The following EPHA4 variants were observed in gnomAD, a reference collection of about 807,000 sequenced individuals.
The protein encoded by EPHA4 is EPH receptor A4.
Under a neutral mutation model 108.3 loss-of-function variants are expected in EPHA4, and 19 were observed. The observed-to-expected ratio is 0.18, with a 90% CI of 0.12 to 0.26. The LOEUF (loss-of-function observed/expected upper bound fraction) is 0.26, where lower values mean the gene tolerates loss of function less well. Among genes scored for constraint, EPHA4 ranks in the 10% least tolerant of loss-of-function variants. The pLI is 1.00. For synonymous variants in EPHA4, 449 were observed against 455.5 expected, an observed-to-expected ratio of 0.99 and a Z score of 0.18; for missense variants, 917 against 1,254.0, an observed-to-expected ratio of 0.73 and a Z score of 4.06.
At chr2:221,451,679 C>T (rs1379858449) in intron 8 of EPHA4, among the ~76,000 whole-genome samples, 1 of 152,092 alleles carries the variant, frequency 6.6e-6, no homozygotes, top group Non-Finnish European at 1.5e-5. Flanking sequence ...GAAATTATAT[C>T]TTGAGTGATG....
chr2:221,446,169 G>A lies in EPHA4; in HGVS notation c.1728C>T (p.Tyr576=), dbSNP rs1690588276. 1.3e-6 allele frequency: 2 copies of A among 1,523,090 alleles called. No individual in the cohort carries two copies. Among genetic ancestry groups the A allele is most frequent in the South Asian group, 2.7e-5 (2 of 73,942 alleles). The allele number at this position is 1,523,090 out of a possible 1,614,324, so 94.3% of individuals were successfully genotyped here. ...CATCCGCTTCTTGTTTGGCTTTACT[G>A]TATTTACTCCGTCTATTAAAATTTT... ...AFVISRRRSK[Y]SKAKQEADEE... The change falls in exon 9 of 18, where the codon TAC becomes TAT. Residue 576 remains tyrosine, a synonymous_variant. Coordinates refer to ENST00000281821, the MANE Select transcript of EPHA4 (RefSeq NM_004438.5).
intron 2 of EPHA4, among the ~76,000 whole-genome samples, chr2:221,566,792 A>G (rs1211473865): frequency 6.7e-6 from 1 of 148,594 alleles, no homozygotes. Context: ...AAGAAGGAGA[A>G]GAAGAAGAGG....
intron 3 of EPHA4, among the ~76,000 whole-genome samples, chr2:221,517,570 C>T (rs1329617227): frequency 3.3e-5 from 5 of 151,898 alleles, no homozygotes; most frequent in Non-Finnish European, 5.9e-5. Flanking sequence ...GAGGGCGAGC[C>T]GGGAGTCGAG....
chr2:221,433,781 T>C (rs2278323), intron 14 of EPHA4, among the ~76,000 whole-genome samples: 55,782 of 152,120 alleles, frequency 0.37, 10,464 homozygotes, highest in African/African-American at 0.43. Context: ...CATGTCCGTT[T>C]TATCATATGT....
intron 3 of EPHA4, among the ~76,000 whole-genome samples, chr2:221,520,225 A>G (rs964530182): frequency 2.1e-4 from 32 of 152,150 alleles, no homozygotes; most frequent in Admixed American, 1.9e-3. Flanking sequence ...CTGCACTTCA[A>G]TCAAACCAGA....
chr2:221,564,541 T>A, intron 2 of EPHA4, 147 bp from the exon 3 acceptor site: 1 of 764,254 alleles, frequency 1.3e-6, no homozygotes, highest in East Asian at 2.6e-5. Flanking sequence ...TAATAAAGGA[T>A]CTTATGGGAG....
intron 3 of EPHA4, among the ~76,000 whole-genome samples, chr2:221,534,549 G>C (rs916049269): frequency 6.6e-6 from 1 of 152,170 alleles, no homozygotes; most frequent in South Asian, 2.1e-4. Context: ...CAGTGGCTGT[G>C]GTTGTGTGAA....
At chr2:221,550,418 GGAGA>G (rs71406572) in intron 3 of EPHA4, among the ~76,000 whole-genome samples, 2,480 of 135,608 alleles carry the variant, frequency 0.018, 43 homozygotes, top group African/African-American at 0.045. Context: ...TGAGGAAAGG[GGAGA>G]GAGAGAGAGA....
intron 3 of EPHA4, among the ~76,000 whole-genome samples, chr2:221,514,191 G>A (rs1692924794): frequency 6.6e-6 from 1 of 152,038 alleles, no homozygotes; most frequent in Non-Finnish European, 1.5e-5. Flanking sequence ...GAAATACACA[G>A]TGTGACAGTG....
intron 3 of EPHA4, among the ~76,000 whole-genome samples, chr2:221,541,601 A>G (rs1052324646): frequency 2.0e-5 from 3 of 152,212 alleles, no homozygotes; most frequent in Admixed American, 6.5e-5. Flanking sequence ...CCACAGGCAT[A>G]CAGATGACAG....
At chr2:221,510,315 T>C (rs1427437073) in intron 3 of EPHA4, among the ~76,000 whole-genome samples, 1 of 152,232 alleles carries the variant, frequency 6.6e-6, no homozygotes, top group Non-Finnish European at 1.5e-5. Flanking sequence ...AAAAATTTAT[T>C]TTTATTTAGA....
Position 221,571,865 on chromosome 2 carries a change from C to G in EPHA4, c.91+293G>C, listed in dbSNP as rs1277207167. 6.6e-6 allele frequency among the ~76,000 whole-genome samples: 1 copy of G among 152,176 alleles called. No individual in the cohort carries two copies. The highest frequency in any genetic ancestry group is 2.4e-5 in the African/African-American group (1 of 41,442). On this transcript the variant is annotated intron_variant, in intron 1 of 17. Transcript: ENST00000281821. The surrounding 1 kb of genome is among the most constrained non-coding windows in gnomAD (Gnocchi z 6.3). ...AATCCCGGCGTTGTCTCCCGTGCAT[C>G]CCCTCAGGGCGCCTCGAGCGGGCCT...
At chr2:221,573,733 A>G (rs1041116114), upstream of EPHA4, 5 of 152,234 alleles carry the variant, frequency 3.3e-5, 1 homozygote, top group Admixed American at 2.6e-4. The surrounding 1 kb of genome is among the most constrained non-coding windows in gnomAD (Gnocchi z 4.5). Flanking sequence ...GCCCCGGAGG[A>G]AGGGCGAGCG....
At position 221,425,891 on chromosome 2, in the gene EPHA4, G is replaced by A. The variant is rs939161160; in HGVS notation, c.*137C>T. 4 of 752,568 alleles carry A rather than the reference G, an allele frequency of 5.3e-6. No individual in the cohort carries two copies. Among genetic ancestry groups the A allele is most frequent in the Admixed American group, 4.6e-5 (2 of 43,868 alleles). 46.6% of individuals were successfully genotyped at this position (752,568 alleles called of 1,614,324 possible). ...TTCAGCAATCTGTGCACCAAGCAAC[G>A]CTGCAGATATTGTTTTTTTTTTTCA... On this transcript the variant is annotated 3_prime_UTR_variant, in exon 17 of 18. Transcript: ENST00000281821.
intron 3 of EPHA4, among the ~76,000 whole-genome samples, chr2:221,524,149 G>A (rs1403929993): frequency 6.6e-6 from 1 of 152,200 alleles, no homozygotes; most frequent in Non-Finnish European, 1.5e-5. Context: ...CGGAGCAGAA[G>A]TCAGATGCCA....
intron 3 of EPHA4, among the ~76,000 whole-genome samples, chr2:221,559,615 C>T (rs1694399052): frequency 6.6e-6 from 1 of 152,134 alleles, no homozygotes; most frequent in Admixed American, 6.5e-5. Context: ...CTTCCTTCTG[C>T]TTACTATTTC....
intron 4 of EPHA4, among the ~76,000 whole-genome samples, chr2:221,488,876 T>C (rs920939332): frequency 3.9e-5 from 6 of 152,230 alleles, no homozygotes; most frequent in African/African-American, 1.4e-4. Flanking sequence ...AAAATTCCAG[T>C]AATTCCACAT....
At chr2:221,453,324 T>C (rs1417030624) in intron 8 of EPHA4, among the ~76,000 whole-genome samples, 1 of 152,202 alleles carries the variant, frequency 6.6e-6, no homozygotes, top group Non-Finnish European at 1.5e-5. Context: ...ACTGTGAACA[T>C]TTCAGACATA....
At chr2:221,446,352 G>A (rs1215443198) in intron 8 of EPHA4, among the ~76,000 whole-genome samples, 171 bp from the exon 9 acceptor site, 2 of 152,068 alleles carry the variant, frequency 1.3e-5, no homozygotes, top group Non-Finnish European at 2.9e-5. Flanking sequence ...CCTGGGTAGT[G>A]AGTCATGGTT....
Sources: gnomAD v4.1 joint callset for allele counts (sites outside exome capture counted in the v4.1 genomes callset) on GRCh38, gnomAD v4.1.1 for gene constraint, Gnocchi (gnomAD v3.1) non-coding constraint, MANE v1.5 for transcripts, NCBI Gene and HGNC (gene_info 2026-07-23, HGNC 2026-07-21) for gene names.